The following CEP126 variants were observed in gnomAD, a reference collection of about 807,000 sequenced individuals.
CEP126 encodes the protein centrosomal protein 126, also known as centrosomal protein of 126 kDa.
CEP126 carries 74 observed loss-of-function variants against 107.8 expected under a neutral mutation model. The ratio of observed to expected loss-of-function variants is 0.69; its 90% confidence interval spans 0.57 to 0.83. The LOEUF (loss-of-function observed/expected upper bound fraction) is 0.83, where lower values mean the gene tolerates loss of function less well. Among genes scored for constraint, CEP126 ranks in the 40% least tolerant of loss-of-function variants. CEP126 has a pLI of 0.00. For missense variants in CEP126, 1,237 were observed against 1,281.9 expected, an observed-to-expected ratio of 0.96 and a Z score of 0.53; for synonymous variants, 449 against 446.0, an observed-to-expected ratio of 1.01 and a Z score of -0.08.
At chr11:101,958,034 A>C in intron 4 of CEP126, 134 bp from the exon 5 acceptor site, 1 of 741,346 alleles carries the variant, frequency 1.3e-6, no homozygotes, top group Non-Finnish European at 2.2e-6. Flanking sequence ...ATGTCTATAT[A>C]TTTCTCCAAT....
chr11:101,951,597 A>T (rs1400147027), intron 4 of CEP126, among the ~76,000 whole-genome samples: 1 of 152,104 alleles, frequency 6.6e-6, no homozygotes, highest in Non-Finnish European at 1.5e-5. Context: ...AGAATTGGAG[A>T]ATAGACAGAA....
chr11:101,935,054 C>T (rs1173257228), intron 2 of CEP126, among the ~76,000 whole-genome samples: 1 of 151,982 alleles, frequency 6.6e-6, no homozygotes, highest in Non-Finnish European at 1.5e-5. Flanking sequence ...TTATAACCTT[C>T]CCAGTCAGCC....
chr11:101,957,307 G>T (rs1345355075), intron 4 of CEP126, among the ~76,000 whole-genome samples: 1 of 152,098 alleles, frequency 6.6e-6, no homozygotes, highest in African/African-American at 2.4e-5. Flanking sequence ...AGGAATAAAT[G>T]CTCTTTGGAT....
intron 2 of CEP126, among the ~76,000 whole-genome samples, chr11:101,926,726 G>T (rs903059086): frequency 5.3e-5 from 8 of 152,290 alleles, no homozygotes; most frequent in Non-Finnish European, 1.2e-4. Flanking sequence ...TGGAATTCTT[G>T]TAGATTATGA....
At chr11:101,922,988 A>G (rs955449147) in intron 2 of CEP126, among the ~76,000 whole-genome samples, 2 of 152,186 alleles carry the variant, frequency 1.3e-5, no homozygotes, top group Admixed American at 6.5e-5. Context: ...TTTTTGTCAT[A>G]GAACAGCTTA....
chr11:101,992,158 A>G lies in CEP126; in HGVS notation c.3245-620A>G, dbSNP rs1287642436. Among the ~76,000 whole-genome samples the G allele has an allele frequency of 4.7e-5, 6 of 128,040 alleles. No homozygotes were observed. The East Asian group carries it at 1.6e-3, about 34-fold the overall frequency. The allele number at this position is 128,040 out of a possible 152,430, so 84.0% of individuals were successfully genotyped here. On this transcript the variant is annotated intron_variant, in intron 9 of 10. Coordinates refer to ENST00000263468, the MANE Select transcript of CEP126 (RefSeq NM_020802.4). ...TTTAAAATTAAAACTATTTTTAAAAAAAAATAAAAAGCAGGGAGCTACAAT... is the reference window on the plus strand; with the variant it reads ...TTTAAAATTAAAACTATTTTTAAAAGAAAATAAAAAGCAGGGAGCTACAAT...
In CEP126 at chr11:101,961,939, G is replaced by A. The variant is rs11225091; in HGVS notation, c.904G>A (p.Ala302Thr). Residue 302 changes from alanine to threonine, a missense_variant, in exon 6 of 11, where the codon GCA becomes ACA. Around this residue, in one of 3 missense-constraint regions of CEP126, gnomAD observed 1,134 missense variants for 1,150.5 expected, o/e 0.99. Transcript: ENST00000263468. ...CAGCTGCTTTGATGAAGATAAACTG[G>A]CATTCTCTAAAACTCAACATATAAA... ...NLSCFDEDKLAFSKTQHINNW... is the reference protein window; with the variant it reads ...NLSCFDEDKLTFSKTQHINNW... 0.056 allele frequency: 90,939 copies of A among 1,609,742 alleles called. 4,287 individuals carry two copies. Among genetic ancestry groups the A allele is most frequent in the East Asian group, 0.24 (10,688 of 44,816 alleles).
chr11:101,951,507 G>T (rs924124145), intron 4 of CEP126, among the ~76,000 whole-genome samples: 1 of 151,802 alleles, frequency 6.6e-6, no homozygotes, highest in African/African-American at 2.4e-5. Flanking sequence ...GTGAAATCCT[G>T]TCTCAAAAGA....
chr11:101,938,282 C>T (rs1010732197), intron 2 of CEP126, among the ~76,000 whole-genome samples: 17 of 150,886 alleles, frequency 1.1e-4, no homozygotes, highest in Non-Finnish European at 3.0e-5. Context: ...TGTAGTGATA[C>T]CCTGTCTTGC....
Position 101,999,598 on chromosome 11 carries a change from T to A in CEP126, c.*1955T>A, listed in dbSNP as rs1941483964. The stretch of plus-strand genomic sequence containing the variant: ...ATTGTCCTTTTATGAAACTGTCATA[T>A]GACCAGAATTCTTCTGTAATTCTGC... On this transcript the variant is annotated 3_prime_UTR_variant, in exon 11 of 11. Transcript: ENST00000263468. The A allele has an allele frequency of 6.6e-6, 1 of 152,144 alleles. No homozygotes were observed. Among genetic ancestry groups the A allele is most frequent in the Non-Finnish European group, 1.5e-5 (1 of 68,026 alleles). The allele number at this position is 152,144 out of a possible 1,614,324, so 9.4% of individuals were successfully genotyped here.
chr11:101,931,802 T>C (rs1809902874), intron 2 of CEP126, among the ~76,000 whole-genome samples: 1 of 152,254 alleles, frequency 6.6e-6, no homozygotes, highest in Admixed American at 6.5e-5. Context: ...TAGGTTCTAT[T>C]GTTAAACGGT....
chr11:101,977,630 CA>C (rs952859970), intron 6 of CEP126, among the ~76,000 whole-genome samples: 134 of 52,650 alleles, frequency 2.5e-3, no homozygotes, highest in Middle Eastern at 0.01. Flanking sequence ...GACTCTGTCT[CA>C]AAAAAAAAAA....
chr11:101,921,313 C>T (rs992792274), intron 1 of CEP126, among the ~76,000 whole-genome samples: 1 of 152,116 alleles, frequency 6.6e-6, no homozygotes, highest in Non-Finnish European at 1.5e-5. Flanking sequence ...TCTGGTGAAA[C>T]ATTTACTCCA....
intron 1 of CEP126, among the ~76,000 whole-genome samples, chr11:101,921,252 A>C (rs1940321556): frequency 6.6e-6 from 1 of 152,170 alleles, no homozygotes; most frequent in South Asian, 2.1e-4. Flanking sequence ...TTATATTGCT[A>C]TTTGATTGTT....
chr11:101,968,930 A>G (rs2137117637), intron 6 of CEP126, among the ~76,000 whole-genome samples: 1 of 152,346 alleles, frequency 6.6e-6, no homozygotes, highest in East Asian at 1.9e-4. Flanking sequence ...AATAATTGAT[A>G]GGTTTAGTGG....
At chr11:101,935,765 T>TA (rs1940568483) in intron 2 of CEP126, among the ~76,000 whole-genome samples, 1 of 152,088 alleles carries the variant, frequency 6.6e-6, no homozygotes, top group Non-Finnish European at 1.5e-5. Context: ...GTGGATGAGA[T>TA]AATTATTTAT....
intron 2 of CEP126, among the ~76,000 whole-genome samples, chr11:101,939,072 A>G (rs1432912050): frequency 6.6e-6 from 1 of 152,182 alleles, no homozygotes; most frequent in Non-Finnish European, 1.5e-5. Context: ...ATAAATATCA[A>G]CTAGATTGAC....
At chr11:101,961,256 G>A (rs1482733921) in intron 5 of CEP126, among the ~76,000 whole-genome samples, 1 of 151,928 alleles carries the variant, frequency 6.6e-6, no homozygotes, top group Non-Finnish European at 1.5e-5. Context: ...CCTTACTACA[G>A]TCCACAAAAT....
chr11:101,922,109 A>AT (rs35682012), intron 1 of CEP126, among the ~76,000 whole-genome samples: 3,418 of 145,498 alleles, frequency 0.023, 55 homozygotes, highest in Non-Finnish European at 0.039. Context: ...CTAAAAGTAG[A>AT]TTTTTTTTCT....
Sources: gnomAD v4.1 joint callset for allele counts (sites outside exome capture counted in the v4.1 genomes callset) on GRCh38, gnomAD v4.1.1 for gene constraint, gnomAD v4.1.1 regional missense constraint, MANE v1.5 for transcripts, NCBI Gene and HGNC (gene_info 2026-07-23, HGNC 2026-07-21) for gene names.